KCNIP1: variants seen among roughly 807,000 people sequenced by gnomAD.
KCNIP1 encodes the protein A-type potassium channel modulatory protein KCNIP1.
A neutral mutation model predicts 33.0 loss-of-function variants in KCNIP1; 18 were observed. The ratio of observed to expected loss-of-function variants is 0.55; its 90% CI spans 0.38 to 0.81. The LOEUF (loss-of-function observed/expected upper bound fraction) is 0.81. KCNIP1 is among the 30% of genes least tolerant of loss of function. The probability of loss-of-function intolerance (pLI) is 0.00; values close to 1 mark genes in which losing one functional copy is unlikely to be tolerated. For synonymous variants in KCNIP1, 93 were observed against 98.3 expected, an observed-to-expected ratio of 0.95 and a Z score of 0.32; for missense variants, 238 against 271.6, an observed-to-expected ratio of 0.88 and a Z score of 0.87.
chr5:170,585,088 G>T (rs1448583990), intron 1 of KCNIP1, among the ~76,000 whole-genome samples: 1 of 152,040 alleles, frequency 6.6e-6, no homozygotes. Context: ...AAAGTAACTG[G>T]TTGAGGGTCA....
At position 170,425,139 on chromosome 5, in the gene KCNIP1, A is replaced by G. The variant is rs1440663780; in HGVS notation, c.88+71175A>G. On this transcript the variant is annotated intron_variant, in intron 1 of 7. Coordinates refer to the KCNIP1 transcript ENST00000377360. ...TTTCATTTACTTTACAGCACTGAAC[A>G]CTGTCTCTATTTCTTATTTGCTATT... 3.9e-5 allele frequency among the ~76,000 whole-genome samples: 6 copies of G among 152,212 alleles called. No individual in the cohort carries two copies. The East Asian group carries it at 7.7e-4, about 20-fold the overall frequency.
At chr5:170,369,175 A>G (rs935447330) in intron 1 of KCNIP1, among the ~76,000 whole-genome samples, 10 of 152,232 alleles carry the variant, frequency 6.6e-5, no homozygotes, top group African/African-American at 2.2e-4. Context: ...CCCACTGCCT[A>G]TTAGTTGGGA....
intron 1 of KCNIP1, among the ~76,000 whole-genome samples, chr5:170,707,521 C>T (rs1028171648): frequency 6.6e-6 from 1 of 152,192 alleles, no homozygotes; most frequent in Non-Finnish European, 1.5e-5. Flanking sequence ...ACGTCACATT[C>T]TATGTCGTGA....
intron 1 of KCNIP1, among the ~76,000 whole-genome samples, chr5:170,413,128 G>A (rs1013491367): frequency 2.6e-5 from 4 of 152,314 alleles, no homozygotes; most frequent in Non-Finnish European, 5.9e-5. Flanking sequence ...GGGTAAATCG[G>A]CGAGTGTGTG....
At chr5:170,568,535 G>A (rs1296365853) in intron 1 of KCNIP1, among the ~76,000 whole-genome samples, 3 of 151,036 alleles carry the variant, frequency 2.0e-5, no homozygotes, top group East Asian at 1.9e-4. Context: ...AGTTCATGCC[G>A]GGTGCAGTGG....
intron 1 of KCNIP1, among the ~76,000 whole-genome samples, chr5:170,419,094 C>T (rs1171746600): frequency 6.6e-6 from 1 of 152,246 alleles, no homozygotes; most frequent in Non-Finnish European, 1.5e-5. Flanking sequence ...AACAGATCTT[C>T]CTAACGTGTA....
At chr5:170,720,085 G>A (rs963893921) in intron 2 of KCNIP1, among the ~76,000 whole-genome samples, 3 of 152,138 alleles carry the variant, frequency 2.0e-5, no homozygotes, top group African/African-American at 7.2e-5. Flanking sequence ...TTAAACCCAG[G>A]TTTTTCTGAT....
intron 1 of KCNIP1, among the ~76,000 whole-genome samples, chr5:170,413,690 C>T (rs1001045727): frequency 6.6e-6 from 1 of 152,058 alleles, no homozygotes; most frequent in Admixed American, 6.5e-5. Flanking sequence ...CTCCTGACTG[C>T]GTCCTTGGCT....
chr5:170,575,135 C>T (rs1757554768), intron 1 of KCNIP1, among the ~76,000 whole-genome samples: 1 of 152,172 alleles, frequency 6.6e-6, no homozygotes, highest in South Asian at 2.1e-4. Flanking sequence ...CCATTTCAAC[C>T]AAACAACCTC....
chr5:170,566,504 C>T (rs574239573), intron 1 of KCNIP1, among the ~76,000 whole-genome samples: 3 of 152,334 alleles, frequency 2.0e-5, no homozygotes, highest in African/African-American at 7.2e-5. Context: ...CATACAAGGA[C>T]TGGAGGGACC....
upstream of KCNIP1, among the ~76,000 whole-genome samples, chr5:170,503,745 CACACACACACACACACACAT>C (rs1379535825): frequency 4.4e-4 from 67 of 151,196 alleles, no homozygotes; most frequent in Non-Finnish European, 7.4e-5. Context: ...CACACACACA[CACACACACACACACACACAT>C]ACACACACAC....
intron 1 of KCNIP1, among the ~76,000 whole-genome samples, chr5:170,569,777 C>T (rs1206994180): frequency 6.6e-6 from 1 of 151,966 alleles, no homozygotes; most frequent in African/African-American, 2.4e-5. Flanking sequence ...TGAAAGGTGT[C>T]TGGCACTTAG....
chr5:170,432,831 GT>G, intron 1 of KCNIP1, among the ~76,000 whole-genome samples: 1 of 152,308 alleles, frequency 6.6e-6, no homozygotes, highest in African/African-American at 2.4e-5. Context: ...TCTAGTGAGG[GT>G]GACAGATAGT....
chr5:170,641,470 T>C (rs952994294), intron 1 of KCNIP1, among the ~76,000 whole-genome samples: 1 of 152,240 alleles, frequency 6.6e-6, no homozygotes, highest in African/African-American at 2.4e-5. Flanking sequence ...AGGTAAGTCA[T>C]GCTCCAGCAG....
intron 1 of KCNIP1, among the ~76,000 whole-genome samples, chr5:170,509,160 G>C (rs747621939): frequency 4.6e-5 from 7 of 152,098 alleles, no homozygotes; most frequent in Non-Finnish European, 8.8e-5. Context: ...TCTGTTGTTC[G>C]GTCTGCTGGC....
At chr5:170,692,033 A>G (rs1185687493) in intron 1 of KCNIP1, among the ~76,000 whole-genome samples, 1 of 152,226 alleles carries the variant, frequency 6.6e-6, no homozygotes, top group Non-Finnish European at 1.5e-5. Flanking sequence ...AGACATTCAC[A>G]GATGCTAATA....
chr5:170,644,385 G>A (rs1461322666), intron 1 of KCNIP1, among the ~76,000 whole-genome samples: 1 of 152,226 alleles, frequency 6.6e-6, no homozygotes, highest in Non-Finnish European at 1.5e-5. Context: ...CATCAGCCTG[G>A]CTTTGCTGAG....
chr5:170,383,871 C>A (rs750612592), intron 1 of KCNIP1: 2 of 1,611,826 alleles, frequency 1.2e-6, no homozygotes, highest in Admixed American at 3.3e-5. Flanking sequence ...CACACACATG[C>A]ACACATACAC....
rs113126688 is a variant in KCNIP1 at position 170,400,460 on chromosome 5, A to G, written c.88+46496A>G. Among the ~76,000 whole-genome samples, 404 of 152,176 alleles carry G rather than the reference A, an allele frequency of 2.7e-3. 6 individuals are homozygous for G. Among genetic ancestry groups the G allele is most frequent in the African/African-American group, 9.3e-3 (385 of 41,482 alleles). On this transcript the variant is annotated intron_variant, in intron 1 of 7. Transcript: ENST00000377360. ...TGGGGGAGACTTCCCCCATGATCCA[A>G]TCACCCCCCACCAGGTCCCTCCCTC...
Sources: gnomAD v4.1 joint callset for allele counts (sites outside exome capture counted in the v4.1 genomes callset) on GRCh38, gnomAD v4.1.1 for gene constraint, MANE v1.5 for transcripts, NCBI Gene and HGNC (gene_info 2026-07-23, HGNC 2026-07-21) for gene names.